The following ALOX15B variants were observed in gnomAD, a reference collection of about 807,000 sequenced individuals.
ALOX15B encodes the protein polyunsaturated fatty acid lipoxygenase ALOX15B.
A neutral mutation model predicts 73.8 loss-of-function variants in ALOX15B; 74 were observed. That is an observed-to-expected ratio of 1.00 (90% CI 0.83 to 1.22). The LOEUF (loss-of-function observed/expected upper bound fraction) is 1.22. ALOX15B is among the 50% of genes most tolerant of loss of function. The pLI is 0.00. For missense variants in ALOX15B, 896 were observed against 859.9 expected (o/e 1.04, Z -0.52); for synonymous variants, 353 against 357.2 (o/e 0.99, Z 0.13).
intron 3 of ALOX15B, among the ~76,000 whole-genome samples, chr17:8,040,599 GAGAGAAAGAA>G (rs1483828157): frequency 1.8e-5 from 2 of 113,880 alleles, no homozygotes; most frequent in African/African-American, 7.0e-5. Flanking sequence ...GAAAGAAAGA[GAGAGAAAGAA>G]AGAAAGAAAG....
Position 8,040,601 on chromosome 17 carries a change from G to GAGAGAGAGAGAAAGAAAGAA in ALOX15B, c.449+621_449+622insGAGAGAGAAAGAAAGAAAGA, listed in dbSNP as rs1555638441. Among the ~76,000 whole-genome samples, 13 of 109,528 alleles carry GAGAGAGAGAGAAAGAAAGAA rather than the reference G, an allele frequency of 1.2e-4. No homozygotes were observed. In the South Asian group the frequency reaches 3.5e-3, roughly 30 times the overall value. The allele number at this position is 109,528 out of a possible 152,430, so 71.9% of individuals were successfully genotyped here. A position where few individuals can be genotyped will look rare whatever the true frequency, so the allele number is the denominator to read the frequency against. ...GGAAGGAAAGAGAGAAAGAAAGAGA[G>GAGAGAGAGAGAAAGAAAGAA]AGAAAGAAAGAAAGAAAGAAAGAAA... On this transcript the variant is annotated intron_variant, in intron 3 of 13. Transcript: ENST00000380183.
intron 3 of ALOX15B, 144 bp downstream of exon 3, chr17:8,040,127 C>A: frequency 2.7e-6 from 2 of 743,900 alleles, no homozygotes; most frequent in South Asian, 2.0e-5. Flanking sequence ...TCTACAGGAA[C>A]GTATTAGAAA....
intron 2 of ALOX15B, 73 bp from the exon 3 acceptor site, chr17:8,039,829 T>C: frequency 6.8e-7 from 1 of 1,460,064 alleles, no homozygotes; most frequent in Non-Finnish European, 9.4e-7. Flanking sequence ...GTGGCAATCG[T>C]GGAGACTGTG....
rs967977276 is a variant in ALOX15B, at chr17:8,045,508, G to T, written c.1022G>T (p.Ser341Ile). The change falls in exon 8 of 14, where the codon AGC becomes ATC. Residue 341 changes from serine to isoleucine, a missense_variant. By Grantham distance (142) the Ser-to-Ile change is moderately radical. Coordinates refer to ENST00000380183, the MANE Select transcript of ALOX15B (RefSeq NM_001141.3). Reference sequence around the variant, plus strand: ...CTCAGCCAGACCCCCGGCCCAAACAGCCCCATCTTCCTGCCCACTGATGAC... The same window carrying T: ...CTCAGCCAGACCCCCGGCCCAAACATCCCCATCTTCCTGCCCACTGATGAC... ...IQLSQTPGPN[S>I]PIFLPTDDKW... 6.2e-7 allele frequency: 1 copy of T among 1,614,072 alleles called. No individual in the cohort carries two copies.
chr17:8,039,359 C>T (rs777996045), intron 1 of ALOX15B, 27 bp from the exon 2 acceptor site: 1 of 1,603,514 alleles, frequency 6.2e-7, no homozygotes. Flanking sequence ...GAGGGTCCGG[C>T]CTGACGCATA....
intron 4 of ALOX15B, 32 bp downstream of exon 4, chr17:8,042,523 C>A: frequency 6.2e-7 from 1 of 1,608,188 alleles, no homozygotes; most frequent in Non-Finnish European, 8.5e-7. Flanking sequence ...TGCCCCTGGG[C>A]CTCAGATGCC....
chr17:8,047,579 T>G lies in ALOX15B; in HGVS notation c.1595T>G (p.Leu532Arg), dbSNP rs753470660. ...NQESSGIPSS[L>R]ETREALVQYV... ...CTCCTTGCAGGTATACCCTCCTCAC[T>G]GGAGACCCGGGAAGCCCTGGTGCAG... The change falls in exon 12 of 14, where the codon CTG becomes CGG. Residue 532 changes from leucine (L) to arginine (R), a missense_variant. Transcript: ENST00000380183. 1 of 1,606,770 alleles carries G rather than the reference T, an allele frequency of 6.2e-7. No homozygotes were observed. The highest frequency in any genetic ancestry group is 1.3e-5 in the African/African-American group (1 of 74,818).
In ALOX15B at chr17:8,046,945, A is replaced by G. The variant is rs199735812; in HGVS notation, c.1326A>G (p.Ile442Met). Residue 442 changes from isoleucine to methionine, a missense_variant, in exon 10 of 14, where the codon ATA (isoleucine) becomes ATG (methionine). Transcript: ENST00000380183. ...GCATTGAAGGCTTCTCTGAGTTGAT[A>G]CAGAGGAACATGAAGCAGCTGAACT... ...GIGIEGFSEL[I>M]QRNMKQLNYS... 1.9e-5 allele frequency: 31 copies of G among 1,614,204 alleles called. No homozygotes were observed. The highest frequency in any genetic ancestry group is 2.2e-5 in the South Asian group (2 of 91,082).
rs113005649 is a variant in ALOX15B at position 8,046,473 on chromosome 17, C to T, written c.1201-195C>T. Among the ~76,000 whole-genome samples the T allele has an allele frequency of 8.7e-3, 1,320 of 152,286 alleles. 17 individuals carry two copies. Among genetic ancestry groups the T allele is most frequent in the African/African-American group, 0.03 (1,242 of 41,546 alleles). ...TGAGGCTCAGGGAGAGGAAGGAGCA[C>T]GCCTGAGCTCCCAGAACAAGCTGCT... On this transcript the variant is annotated intron_variant, in intron 8 of 13. Transcript: ENST00000380183.
At chr17:8,048,339 G>A (rs1439733922) in intron 13 of ALOX15B, 47 bp from the exon 14 acceptor site, 3 of 1,574,696 alleles carry the variant, frequency 1.9e-6, no homozygotes, top group Admixed American at 1.8e-5. Flanking sequence ...AGTCTGGGAT[G>A]CAGGACCTCA....
intron 5 of ALOX15B, 46 bp from the exon 6 acceptor site, chr17:8,044,783 G>C: frequency 5.4e-6 from 3 of 550,938 alleles, no homozygotes; most frequent in Non-Finnish European, 5.8e-6. Flanking sequence ...CCCCTGCAAA[G>C]CACGCATTTG....
chr17:8,048,071 G>C (rs528640787), intron 13 of ALOX15B, among the ~76,000 whole-genome samples, 156 bp downstream of exon 13: 1 of 152,348 alleles, frequency 6.6e-6, no homozygotes, highest in East Asian at 1.9e-4. Flanking sequence ...ACATTTCACA[G>C]TGAAGGTCAA....
At chr17:8,045,982 C>T (rs1386771420) in intron 8 of ALOX15B, among the ~76,000 whole-genome samples, 2 of 134,016 alleles carry the variant, frequency 1.5e-5, no homozygotes, top group African/African-American at 5.6e-5. Context: ...AAAGTTTGAA[C>T]ATGGCTTTGA....
In ALOX15B at chr17:8,039,595, G is replaced by A; in HGVS notation, c.357G>A (p.Gln119=). 2 of 1,525,538 alleles carry A rather than the reference G, an allele frequency of 1.3e-6. No homozygotes were observed. The highest frequency in any genetic ancestry group is 1.8e-6 in the Non-Finnish European group (2 of 1,140,066). The allele number at this position is 1,525,538 out of a possible 1,614,324, so 94.5% of individuals were successfully genotyped here. The change falls in exon 2 of 14, where the codon CAG becomes CAA. Residue 119 remains glutamine (Q), a synonymous_variant. Transcript: ENST00000380183. ...AGGGGGCGGGGACCCTGGTGCTGCA[G>A]GAGGGTACAGGTGAGGGGCGGGCCG... is the stretch of plus-strand genomic sequence containing the variant. ...WLEGAGTLVL[Q]EGTAKVSWAD... is the part of the protein sequence containing the mutation.
In ALOX15B at chr17:8,045,506, C is replaced by G. The variant is rs1470725231; in HGVS notation, c.1020C>G (p.Asn340Lys). The part of the protein sequence containing the change: ...AIQLSQTPGP[N>K]SPIFLPTDDK... The stretch of plus-strand genomic sequence containing the variant: ...AGCTCAGCCAGACCCCCGGCCCAAA[C>G]AGCCCCATCTTCCTGCCCACTGATG... Residue 340 changes from asparagine to lysine, a missense_variant, in exon 8 of 14, where the codon AAC becomes AAG. By Grantham distance (94) the Asn-to-Lys change is moderately conservative. Coordinates refer to ENST00000380183, the MANE Select transcript of ALOX15B (RefSeq NM_001141.3). 1 of 1,614,222 alleles carries G rather than the reference C, an allele frequency of 6.2e-7. No individual in the cohort carries two copies. The highest frequency in any genetic ancestry group is 1.3e-5 in the African/African-American group (1 of 75,062).
chr17:8,039,105 C>A lies in ALOX15B; in HGVS notation c.-51C>A, dbSNP rs1298287706. 4 of 1,581,860 alleles carry A rather than the reference C, an allele frequency of 2.5e-6. No individual in the cohort carries two copies. Among genetic ancestry groups the A allele is most frequent in the Middle Eastern group, 1.7e-4 (1 of 5,858 alleles). On this transcript the variant is annotated 5_prime_UTR_variant, in exon 1 of 14. Transcript: ENST00000380183. The stretch of plus-strand genomic sequence containing the variant: ...TAACCAGGCGTGTCCCAGGGGGGAG[C>A]CCCGCTCTGCAGCCCTGTGCGCCGT...
At chr17:8,040,096 C>A in intron 3 of ALOX15B, 113 bp downstream of exon 3, 1 of 1,022,748 alleles carries the variant, frequency 9.8e-7, no homozygotes, top group Non-Finnish European at 1.4e-6. Flanking sequence ...CCTATCAAAG[C>A]TGCTCCTGGG....
Position 8,039,965 on chromosome 17 carries a change from C to A in ALOX15B, c.431C>A (p.Ala144Asp). The change falls in exon 3 of 14, where the codon GCC becomes GAC. Residue 144 changes from alanine to aspartate, a missense_variant. Physicochemically the swap from Ala to Asp is moderately radical, Grantham distance 126. Coordinates refer to ENST00000380183, the MANE Select transcript of ALOX15B (RefSeq NM_001141.3). ...CAACAGCGCCAGGAGGAGCTTCAGGCCCGGCAGGAGATGTACCAGTGAGGA... is the reference window on the plus strand; with the variant it reads ...CAACAGCGCCAGGAGGAGCTTCAGGACCGGCAGGAGATGTACCAGTGAGGA... ...LQQQRQEELQARQEMYQWKAY... is the reference protein window; with the variant it reads ...LQQQRQEELQDRQEMYQWKAY... 1.2e-6 allele frequency: 2 copies of A among 1,613,392 alleles called. No individual in the cohort carries two copies. Among genetic ancestry groups the A allele is most frequent in the Non-Finnish European group, 1.7e-6 (2 of 1,179,710 alleles).
In ALOX15B at chr17:8,046,709, A is replaced by C; in HGVS notation, c.1242A>C (p.Thr414=). The C allele has an allele frequency of 6.2e-7, 1 of 1,613,664 alleles. No homozygotes were observed. The highest frequency in any genetic ancestry group is 1.1e-5 in the South Asian group (1 of 91,008). The change falls in exon 9 of 14, where the codon ACA becomes ACC. Residue 414 remains threonine (T), a synonymous_variant. Transcript: ENST00000380183. ...PHTRYTLHIN[T]LARELLIVPG... is the part of the protein sequence containing the mutation. ...CCCGATACACCCTGCACATCAACAC[A>C]CTCGCCCGGGAGCTGCTTATCGTGC...
Sources: allele counts gnomAD v4.1 joint callset (sites outside exome capture counted in the v4.1 genomes callset), GRCh38; gene constraint gnomAD v4.1.1; transcripts MANE v1.5; gene names NCBI Gene and HGNC (gene_info 2026-07-23, HGNC 2026-07-21).